Variants in CDK17 observed in about 807,000 individuals in gnomAD.
CDK17 encodes cyclin-dependent kinase 17.
In CDK17, 24 loss-of-function variants were observed where a neutral mutation model predicts 77.6. The ratio of observed to expected loss-of-function variants is 0.31; its 90% CI spans 0.22 to 0.44. The LOEUF is 0.44. Ranked by LOEUF, CDK17 falls within the 20% of genes least tolerant of loss-of-function variation. The pLI, the probability that CDK17 is intolerant of heterozygous loss-of-function variation, is 1.00. For synonymous variants in CDK17, 203 were observed against 210.4 expected (o/e 0.96, Z 0.30); for missense variants, 429 against 622.5 (o/e 0.69, Z 3.31).
At chr12:96,313,705 A>T (rs1952672546) in intron 3 of CDK17, among the ~76,000 whole-genome samples, 1 of 152,206 alleles carries the variant, frequency 6.6e-6, no homozygotes, top group Non-Finnish European at 1.5e-5. Context: ...AGGGTTGAGT[A>T]ATAAAATTAT....
At chr12:96,283,463 T>C (rs1320403071) in intron 14 of CDK17, 140 bp downstream of exon 14, 1 of 598,470 alleles carries the variant, frequency 1.7e-6, no homozygotes, top group Non-Finnish European at 2.9e-6. Flanking sequence ...TTTTTTTTTT[T>C]TAACTTAAAC....
chr12:96,371,120 C>T (rs964658451), intron 1 of CDK17, among the ~76,000 whole-genome samples: 34 of 148,112 alleles, frequency 2.3e-4, no homozygotes, highest in African/African-American at 7.4e-4. Flanking sequence ...CTCCCTGCCC[C>T]CACTGCATCA....
intron 1 of CDK17, among the ~76,000 whole-genome samples, chr12:96,353,125 A>G (rs778080293): frequency 1.3e-5 from 2 of 152,246 alleles, no homozygotes; most frequent in Non-Finnish European, 2.9e-5. Flanking sequence ...TGTAATATCA[A>G]TGACACTTTT....
At chr12:96,354,964 T>TA (rs1953371290) in intron 1 of CDK17, among the ~76,000 whole-genome samples, 1 of 152,008 alleles carries the variant, frequency 6.6e-6, no homozygotes, top group South Asian at 2.1e-4. Context: ...CCACTGCCCA[T>TA]AGTGTATTTC....
intron 2 of CDK17, among the ~76,000 whole-genome samples, chr12:96,324,714 C>T (rs1048224512): frequency 1.3e-5 from 2 of 151,832 alleles, no homozygotes; most frequent in Admixed American, 6.6e-5. Context: ...TTGCAGTGAG[C>T]CAAGATCACG....
At chr12:96,360,549 T>C (rs1395499583) in intron 1 of CDK17, among the ~76,000 whole-genome samples, 5 of 152,240 alleles carry the variant, frequency 3.3e-5, no homozygotes, top group Admixed American at 1.3e-4. Flanking sequence ...CAAAATAAGA[T>C]CCCTCCCTTC....
At chr12:96,334,930 C>T in intron 1 of CDK17, 65 bp from the exon 2 acceptor site, 2 of 721,788 alleles carry the variant, frequency 2.8e-6, no homozygotes, top group South Asian at 1.5e-5. Context: ...AAAAATACCG[C>T]CTGGGTTTAC....
chr12:96,285,913 A>G (rs1952239724), intron 13 of CDK17, 130 bp downstream of exon 13: 4 of 507,118 alleles, frequency 7.9e-6, no homozygotes, highest in Non-Finnish European at 1.4e-5. Flanking sequence ...TCAAAATTAA[A>G]TAAGATCCTA....
chr12:96,334,012 G>C (rs548429798), intron 2 of CDK17, among the ~76,000 whole-genome samples: 8 of 152,150 alleles, frequency 5.3e-5, no homozygotes, highest in East Asian at 1.9e-4. Context: ...TAGTGGAAGG[G>C]GTAAGGGTGT....
intron 3 of CDK17, among the ~76,000 whole-genome samples, chr12:96,319,218 C>T (rs1486496451): frequency 3.3e-5 from 5 of 151,826 alleles, no homozygotes; most frequent in Non-Finnish European, 5.9e-5. Flanking sequence ...ATACATTCCT[C>T]AACACATACA....
intron 1 of CDK17, among the ~76,000 whole-genome samples, chr12:96,374,703 T>C (rs1953750625): frequency 6.6e-6 from 1 of 152,188 alleles, no homozygotes; most frequent in Non-Finnish European, 1.5e-5. Flanking sequence ...GGAACTAATT[T>C]ACTTCTCCAC....
chr12:96,310,348 T>C (rs1952631266), intron 5 of CDK17, among the ~76,000 whole-genome samples: 1 of 152,080 alleles, frequency 6.6e-6, no homozygotes, highest in African/African-American at 2.4e-5. Context: ...TATAATTACA[T>C]ATTCATAATT....
chr12:96,377,695 GT>G (rs374797342), intron 1 of CDK17, among the ~76,000 whole-genome samples: 25,006 of 123,390 alleles, frequency 0.2, 2,142 homozygotes, highest in Middle Eastern at 0.29. Flanking sequence ...TTTTTTTTTC[GT>G]TTTTTTTTTT....
chr12:96,373,881 T>C (rs958534074), intron 1 of CDK17, among the ~76,000 whole-genome samples: 7 of 151,930 alleles, frequency 4.6e-5, no homozygotes, highest in African/African-American at 9.7e-5. Flanking sequence ...GATCGCGCCA[T>C]TGCACTCCAC....
At chr12:96,328,831 T>C (rs984377776) in intron 2 of CDK17, among the ~76,000 whole-genome samples, 2 of 152,050 alleles carry the variant, frequency 1.3e-5, no homozygotes, top group African/African-American at 4.8e-5. Context: ...GTAGTTGAAA[T>C]TGTAGGGTTG....
chr12:96,296,572 AG>A (rs1952409610), intron 9 of CDK17, among the ~76,000 whole-genome samples: 2 of 152,248 alleles, frequency 1.3e-5, no homozygotes, highest in Non-Finnish European at 2.9e-5. Context: ...TTTTCAGAAT[AG>A]GTTCTTACAT....
At chr12:96,371,232 A>G (rs377592755) in intron 1 of CDK17, among the ~76,000 whole-genome samples, 1 of 151,992 alleles carries the variant, frequency 6.6e-6, no homozygotes, top group South Asian at 2.1e-4. Flanking sequence ...AGCATAAGAG[A>G]TTCTACAATA....
At chr12:96,328,814 A>G (rs1176329460) in intron 2 of CDK17, among the ~76,000 whole-genome samples, 2 of 152,166 alleles carry the variant, frequency 1.3e-5, no homozygotes, top group African/African-American at 4.8e-5. Flanking sequence ...TAGTCAACAT[A>G]TATATGGTAG....
At chr12:96,334,591 A>G (rs1354804470) in intron 2 of CDK17, 128 bp downstream of exon 2, 1 of 588,088 alleles carries the variant, frequency 1.7e-6, no homozygotes, top group Non-Finnish European at 3.0e-6. Context: ...CAATTTCCTA[A>G]GAAACCATGG....
Sources: gnomAD v4.1 joint callset for allele counts (sites outside exome capture counted in the v4.1 genomes callset) on GRCh38, gnomAD v4.1.1 for gene constraint, MANE v1.5 for transcripts, NCBI Gene and HGNC (gene_info 2026-07-23, HGNC 2026-07-21) for gene names.